The following SEC11C variants were observed in gnomAD, a reference collection of about 807,000 sequenced individuals.
SEC11C encodes SEC11 homolog C, signal peptidase complex subunit.
A neutral mutation model predicts 21.9 loss-of-function variants in SEC11C; 10 were observed. The observed-to-expected ratio is 0.46, with a 90% CI of 0.28 to 0.77. The LOEUF (loss-of-function observed/expected upper bound fraction) is 0.77, where lower values mean the gene tolerates loss of function less well. SEC11C is among the 30% of genes least tolerant of loss of function. The pLI is 0.12. For missense variants in SEC11C, 145 were observed against 244.5 expected (o/e 0.59, Z 2.71); for synonymous variants, 83 against 85.6 (o/e 0.97, Z 0.17).
Position 59,152,522 on chromosome 18 carries a change from G to A in SEC11C, c.198-14G>A. ...ACAGGGTAATGCTGATACTGACTTTGTGCTTCTTTCCAGTGGCAGTATGGA... is the reference window on the plus strand; with the variant it reads ...ACAGGGTAATGCTGATACTGACTTTATGCTTCTTTCCAGTGGCAGTATGGA... On this transcript the variant is annotated splice_polypyrimidine_tract_variant and intron_variant, in intron 2 of 5. Coordinates refer to ENST00000587834, the MANE Select transcript of SEC11C (RefSeq NM_033280.4). 6.3e-7 allele frequency: 1 copy of A among 1,591,210 alleles called. No individual in the cohort carries two copies. The highest frequency in any genetic ancestry group is 8.5e-7 in the Non-Finnish European group (1 of 1,172,360).
At chr18:59,152,767 T>G (rs1175163209) in intron 3 of SEC11C, 82 bp downstream of exon 3, 2 of 1,240,084 alleles carry the variant, frequency 1.6e-6, no homozygotes, top group Non-Finnish European at 2.2e-6. Flanking sequence ...GTAAAAGCAC[T>G]GGATTATGTT....
intron 4 of SEC11C, chr18:59,157,216 A>G: frequency 6.0e-6 from 1 of 166,572 alleles, no homozygotes; most frequent in Non-Finnish European, 1.3e-5. Context: ...TGCATTACAA[A>G]CTCATTATTC....
At position 59,139,892 on chromosome 18, in the gene SEC11C, C is replaced by G; in HGVS notation, c.-57C>G. 5 of 1,328,504 alleles carry G rather than the reference C, an allele frequency of 3.8e-6. No individual in the cohort carries two copies. The highest frequency in any genetic ancestry group is 5.0e-6 in the Non-Finnish European group (5 of 1,006,340). 82.3% of individuals were successfully genotyped at this position (1,328,504 alleles called of 1,614,324 possible). On this transcript the variant is annotated 5_prime_UTR_variant, in exon 1 of 6. Coordinates refer to ENST00000587834, the MANE Select transcript of SEC11C (RefSeq NM_033280.4). The stretch of plus-strand genomic sequence containing the variant: ...GGTGGGCGGGGGCCGGCAGGTGCTC[C>G]GCAGCCGTCTGTGCCACCCAGAGCC...
At chr18:59,140,609 TG>T (rs2069198746) in intron 1 of SEC11C, among the ~76,000 whole-genome samples, 1 of 152,242 alleles carries the variant, frequency 6.6e-6, no homozygotes, top group African/African-American at 2.4e-5. Context: ...GCAATCATTG[TG>T]GACTCAACCA....
At chr18:59,140,469 T>C (rs1179907570) in intron 1 of SEC11C, among the ~76,000 whole-genome samples, 1 of 152,204 alleles carries the variant, frequency 6.6e-6, no homozygotes, top group Non-Finnish European at 1.5e-5. Context: ...GGAAGAACTT[T>C]CCTACAACGG....
At chr18:59,142,086 G>T (rs565640143) in intron 1 of SEC11C, among the ~76,000 whole-genome samples, 81 of 152,222 alleles carry the variant, frequency 5.3e-4, no homozygotes, top group African/African-American at 1.7e-3. Context: ...CAGTCAGCTT[G>T]TCAGTAGTTC....
intron 1 of SEC11C, 28 bp downstream of exon 1, chr18:59,140,063 G>A (rs1374439822): frequency 6.4e-7 from 1 of 1,553,104 alleles, no homozygotes; most frequent in Admixed American, 1.8e-5. Flanking sequence ...TGAGCGCGCC[G>A]TGGCCGGGAC....
chr18:59,142,609 G>A (rs1427518660), intron 1 of SEC11C, among the ~76,000 whole-genome samples: 1 of 152,204 alleles, frequency 6.6e-6, no homozygotes, highest in Non-Finnish European at 1.5e-5. Flanking sequence ...TTTAGAAGCA[G>A]TGTTTTGTTG....
At chr18:59,155,850 AC>A (rs2069412374) in intron 4 of SEC11C, 43 bp downstream of exon 4, 1 of 1,602,856 alleles carries the variant, frequency 6.2e-7, no homozygotes, top group Non-Finnish European at 8.5e-7. Flanking sequence ...TATGAAAAAC[AC>A]TTAGAAATGA....
At chr18:59,150,037 T>G (rs890039286) in intron 2 of SEC11C, among the ~76,000 whole-genome samples, 2 of 152,160 alleles carry the variant, frequency 1.3e-5, no homozygotes, top group Admixed American at 6.5e-5. Context: ...TTTTCAAGCT[T>G]CTTCAGTAAT....
At chr18:59,154,810 A>C (rs1336466589) in intron 3 of SEC11C, among the ~76,000 whole-genome samples, 1 of 152,232 alleles carries the variant, frequency 6.6e-6, no homozygotes, top group Non-Finnish European at 1.5e-5. Flanking sequence ...TTATGCCTGT[A>C]ATCCCAGCAC....
intron 1 of SEC11C, among the ~76,000 whole-genome samples, chr18:59,148,603 C>A (rs939373969): frequency 1.3e-4 from 19 of 145,244 alleles, no homozygotes; most frequent in Non-Finnish European, 2.7e-4. Context: ...CTCGTGTGAC[C>A]CTCCCACCTG....
chr18:59,151,196 C>A (rs774286344), intron 2 of SEC11C, among the ~76,000 whole-genome samples: 1 of 152,158 alleles, frequency 6.6e-6, no homozygotes, highest in Non-Finnish European at 1.5e-5. Flanking sequence ...GTGCAGGGAT[C>A]TTTTCCTAGC....
At chr18:59,142,378 T>TAATTTG (rs2069221825) in intron 1 of SEC11C, among the ~76,000 whole-genome samples, 1 of 152,194 alleles carries the variant, frequency 6.6e-6, no homozygotes, top group East Asian at 1.9e-4. Context: ...CAAGATTTTA[T>TAATTTG]CGGGGTGGAG....
intron 4 of SEC11C, chr18:59,156,663 T>C (rs562163136): frequency 6.6e-6 from 1 of 152,238 alleles, no homozygotes; most frequent in African/African-American, 2.4e-5. Flanking sequence ...TTCCCCTCTC[T>C]TGGCAACCCT....
chr18:59,140,050 T>C lies in SEC11C; in HGVS notation c.87+15T>C. 1 of 1,562,124 alleles carries C rather than the reference T, an allele frequency of 6.4e-7. No homozygotes were observed. The highest frequency in any genetic ancestry group is 8.7e-7 in the Non-Finnish European group (1 of 1,148,462). ...ACAAGCGCCAGGTGACGGAGGAGGGTGGTGAGCGCGCCGTGGCCGGGACCG... is the reference window on the plus strand; with the variant it reads ...ACAAGCGCCAGGTGACGGAGGAGGGCGGTGAGCGCGCCGTGGCCGGGACCG... On this transcript the variant is annotated intron_variant, in intron 1 of 5. Coordinates refer to ENST00000587834, the MANE Select transcript of SEC11C (RefSeq NM_033280.4).
rs747642359 is a variant in SEC11C at position 59,152,614 on chromosome 18, T to A, written c.276T>A (p.Gly92=). Residue 92 remains glycine (G), a synonymous_variant, in exon 3 of 6, where the codon GGT becomes GGA. Coordinates refer to ENST00000587834, the MANE Select transcript of SEC11C (RefSeq NM_033280.4). ...TCCGGGAAGACCCAATCAGAGCTGG[T>A]GAAATAGTTGTTTTTAAAGTTGAAG... ...TNFREDPIRA[G]EIVVFKVEGR... 1.2e-6 allele frequency: 2 copies of A among 1,613,648 alleles called. No homozygotes were observed. Among genetic ancestry groups the A allele is most frequent in the South Asian group, 2.2e-5 (2 of 90,978 alleles).
chr18:59,143,699 T>A (rs1395416138), intron 1 of SEC11C, among the ~76,000 whole-genome samples: 2 of 152,246 alleles, frequency 1.3e-5, no homozygotes. Flanking sequence ...TTTGGTGAGA[T>A]CCTACTGCAG....
Position 59,158,817 on chromosome 18 carries a change from A to C in SEC11C, c.*132A>C. 2.7e-6 allele frequency: 2 copies of C among 729,326 alleles called. No homozygotes were observed. Among genetic ancestry groups the C allele is most frequent in the Non-Finnish European group, 4.5e-6 (2 of 441,548 alleles). The allele number at this position is 729,326 out of a possible 1,614,324, so 45.2% of individuals were successfully genotyped here. A position where few individuals can be genotyped will look rare whatever the true frequency, so the allele number is the denominator to read the frequency against. On this transcript the variant is annotated 3_prime_UTR_variant, in exon 6 of 6. Transcript: ENST00000587834. The stretch of plus-strand genomic sequence containing the variant: ...AGATGTTTTTGTCTTGTCCAAATAA[A>C]AGATTCACCAGTAAAGATGGTTTTC...
Sources: gnomAD v4.1 joint callset for allele counts (sites outside exome capture counted in the v4.1 genomes callset) on GRCh38, gnomAD v4.1.1 for gene constraint, MANE v1.5 for transcripts, NCBI Gene and HGNC (gene_info 2026-07-23, HGNC 2026-07-21) for gene names.